PUS7: variants seen among roughly 807,000 people sequenced by gnomAD.
The protein encoded by PUS7 is pseudouridylate synthase 7 homolog.
In PUS7, 48 loss-of-function variants were observed where a neutral mutation model predicts 79.8. The ratio of observed to expected loss-of-function variants is 0.60; its 90% CI spans 0.48 to 0.76. PUS7 has a LOEUF of 0.76. PUS7 is among the 30% of genes least tolerant of loss of function. The probability of loss-of-function intolerance (pLI) is 0.00; values close to 1 mark genes in which losing one functional copy is unlikely to be tolerated. For synonymous variants in PUS7, 286 were observed against 272.2 expected (o/e 1.05, Z -0.50); for missense variants, 729 against 797.6 (o/e 0.91, Z 1.04).
At chr7:105,462,561 AG>A in intron 14 of PUS7, 59 bp downstream of exon 14, 3 of 1,588,614 alleles carry the variant, frequency 1.9e-6, no homozygotes, top group Non-Finnish European at 2.6e-6. Flanking sequence ...TATAAAGTGA[AG>A]CAAAAGCTTA....
chr7:105,491,402 C>G (rs73190120), intron 7 of PUS7, 138 bp downstream of exon 7: 71,147 of 453,536 alleles, frequency 0.16, 5,708 homozygotes, highest in Admixed American at 0.18. Context: ...AAGAAAAAAA[C>G]AGAATGAAAA....
chr7:105,489,147 C>CAA (rs762504334), intron 7 of PUS7, among the ~76,000 whole-genome samples: 1,653 of 33,522 alleles, frequency 0.049, 143 homozygotes, highest in African/African-American at 0.15. Flanking sequence ...AACTCCATCT[C>CAA]AAAAAAAAAA....
chr7:105,465,241 T>A, intron 13 of PUS7, 72 bp downstream of exon 13: 2 of 1,132,200 alleles, frequency 1.8e-6, no homozygotes, highest in South Asian at 2.8e-5. Context: ...AACCAAAGTT[T>A]ATATATGCTT....
At chr7:105,515,604 T>C (rs552083660) in intron 1 of PUS7, among the ~76,000 whole-genome samples, 2 of 152,084 alleles carry the variant, frequency 1.3e-5, no homozygotes, top group Non-Finnish European at 2.9e-5. Flanking sequence ...CATTTTTCAT[T>C]GTTTAAGTCA....
At chr7:105,474,796 T>C (rs1403691554) in intron 9 of PUS7, among the ~76,000 whole-genome samples, 1 of 151,834 alleles carries the variant, frequency 6.6e-6, no homozygotes, top group Non-Finnish European at 1.5e-5. Flanking sequence ...TAAAACACAA[T>C]AAAACAAAAA....
chr7:105,474,612 C>CAAAAAAAAA (rs10540161), intron 9 of PUS7, among the ~76,000 whole-genome samples: 17 of 126,354 alleles, frequency 1.3e-4, no homozygotes, highest in African/African-American at 3.2e-4. Flanking sequence ...ACTAAAAATA[C>CAAAAAAAAA]AAAAAAAAAA....
intron 6 of PUS7, among the ~76,000 whole-genome samples, chr7:105,493,585 G>A (rs999911295): frequency 2.6e-5 from 4 of 152,198 alleles, no homozygotes; most frequent in African/African-American, 9.6e-5. Context: ...ACCTCAGAAT[G>A]TGACTGTATT....
chr7:105,463,354 C>CA (rs1341968833), intron 13 of PUS7, among the ~76,000 whole-genome samples: 2 of 152,210 alleles, frequency 1.3e-5, no homozygotes, highest in African/African-American at 4.8e-5. Context: ...CTTTGGAACA[C>CA]AGTGGATTAA....
intron 9 of PUS7, among the ~76,000 whole-genome samples, chr7:105,480,551 G>A (rs1471187724): frequency 6.6e-6 from 1 of 151,914 alleles, no homozygotes; most frequent in Non-Finnish European, 1.5e-5. Flanking sequence ...CTGAGGTCGG[G>A]GGATCACCTG....
intron 9 of PUS7, among the ~76,000 whole-genome samples, chr7:105,478,806 T>G (rs1206720546): frequency 6.6e-6 from 1 of 152,244 alleles, no homozygotes. Context: ...AATATTCTTA[T>G]GTTGTGAAAA....
At chr7:105,485,716 G>A (rs1021500712) in intron 7 of PUS7, among the ~76,000 whole-genome samples, 11 of 152,142 alleles carry the variant, frequency 7.2e-5, no homozygotes, top group Non-Finnish European at 1.5e-4. Context: ...CTTTGAATAC[G>A]TACTAAATCC....
chr7:105,519,949 T>C (rs962807752), intron 1 of PUS7, among the ~76,000 whole-genome samples: 3 of 152,186 alleles, frequency 2.0e-5, no homozygotes, highest in Non-Finnish European at 1.5e-5. Flanking sequence ...TATGACCAGC[T>C]GGATTGTTCT....
intron 5 of PUS7, among the ~76,000 whole-genome samples, chr7:105,495,757 A>G (rs2133194822): frequency 6.6e-6 from 1 of 152,208 alleles, no homozygotes; most frequent in South Asian, 2.1e-4. Flanking sequence ...AAAATAAATA[A>G]AAGAAAAACA....
chr7:105,464,867 G>A (rs1186482907), intron 13 of PUS7, among the ~76,000 whole-genome samples: 1 of 142,356 alleles, frequency 7.0e-6, no homozygotes, highest in Non-Finnish European at 1.5e-5. Context: ...CGCTGAGGCT[G>A]GAGTGCAGTG....
chr7:105,491,709 T>A, intron 6 of PUS7, 92 bp from the exon 7 acceptor site: 1 of 733,696 alleles, frequency 1.4e-6, no homozygotes, highest in Non-Finnish European at 2.3e-6. Flanking sequence ...AATATAAACA[T>A]ACTTACAATC....
chr7:105,492,134 G>A (rs906370657), intron 6 of PUS7, among the ~76,000 whole-genome samples: 9 of 151,852 alleles, frequency 5.9e-5, no homozygotes, highest in Admixed American at 1.3e-4. Context: ...AGGTGTGGTG[G>A]CATGCACCTA....
At chr7:105,508,871 T>TAAAAAAAAA (rs34249093) in intron 1 of PUS7, among the ~76,000 whole-genome samples, 2 of 22,926 alleles carry the variant, frequency 8.7e-5, no homozygotes, top group Non-Finnish European at 1.6e-4. Flanking sequence ...GACATTGTCT[T>TAAAAAAAAA]AAAAAAAAAA....
At chr7:105,458,316 A>C (rs941499285) in intron 15 of PUS7, among the ~76,000 whole-genome samples, 1 of 152,104 alleles carries the variant, frequency 6.6e-6, no homozygotes, top group Non-Finnish European at 1.5e-5. Context: ...ACTGGAGTGC[A>C]GTGGTGTAAT....
Position 105,459,156 on chromosome 7 carries a change from G to A in PUS7, c.1849+12C>T, listed in dbSNP as rs200561319. 22 of 1,566,936 alleles carry A rather than the reference G, an allele frequency of 1.4e-5. No homozygotes were observed. The highest frequency in any genetic ancestry group is 1.8e-5 in the Non-Finnish European group (21 of 1,143,774). ...CAAAGTCAACACAGAGCTGATGACT[G>A]AGTAAACTTACCAGAAGCAAAAACT... On this transcript the variant is annotated intron_variant, in intron 15 of 15. Transcript: ENST00000469408.
Sources: gnomAD v4.1 joint callset for allele counts (sites outside exome capture counted in the v4.1 genomes callset) on GRCh38, gnomAD v4.1.1 for gene constraint, MANE v1.5 for transcripts, NCBI Gene and HGNC (gene_info 2026-07-23, HGNC 2026-07-21) for gene names.